Variants in GALNTL6 observed in about 807,000 individuals in gnomAD.
GALNTL6 encodes polypeptide N-acetylgalactosaminyltransferase like 6.
In GALNTL6, 46 loss-of-function variants were observed where a neutral mutation model predicts 73.7. That is an observed-to-expected ratio of 0.62 (90% CI 0.49 to 0.80). The LOEUF (loss-of-function observed/expected upper bound fraction) is 0.80. Ranked by LOEUF, GALNTL6 falls within the 30% of genes least tolerant of loss-of-function variation. The pLI is 0.00. For synonymous variants in GALNTL6, 259 were observed against 263.7 expected, an observed-to-expected ratio of 0.98 and a Z score of 0.17; for missense variants, 604 against 755.0, an observed-to-expected ratio of 0.80 and a Z score of 2.34.
intron 3 of GALNTL6, among the ~76,000 whole-genome samples, chr4:172,279,993 A>G (rs1738984627): frequency 6.6e-6 from 1 of 152,192 alleles, no homozygotes; most frequent in South Asian, 2.1e-4. Context: ...CAAATAACGT[A>G]TGAACCTGCT....
chr4:172,675,817 T>C (rs1408403189), intron 5 of GALNTL6, among the ~76,000 whole-genome samples: 1 of 152,218 alleles, frequency 6.6e-6, no homozygotes, highest in East Asian at 1.9e-4. Flanking sequence ...CACTATGCCC[T>C]AAAGAAAGCT....
intron 3 of GALNTL6, among the ~76,000 whole-genome samples, chr4:172,269,426 A>G (rs957080894): frequency 6.6e-6 from 1 of 152,156 alleles, no homozygotes; most frequent in African/African-American, 2.4e-5. Flanking sequence ...AATAGATGGC[A>G]AGTTATTCCA....
At chr4:172,971,628 A>G (rs976372768) in intron 10 of GALNTL6, among the ~76,000 whole-genome samples, 1 of 152,250 alleles carries the variant, frequency 6.6e-6, no homozygotes, top group Non-Finnish European at 1.5e-5. Flanking sequence ...AGGATGGAAG[A>G]AAAGCAGTAA....
At chr4:172,033,729 A>G (rs1385020020) in intron 2 of GALNTL6, among the ~76,000 whole-genome samples, 2 of 152,176 alleles carry the variant, frequency 1.3e-5, no homozygotes, top group African/African-American at 4.8e-5. Context: ...AATCACTGGC[A>G]TGTTTACTAT....
At chr4:171,954,613 A>G (rs962573370) in intron 2 of GALNTL6, among the ~76,000 whole-genome samples, 5 of 152,230 alleles carry the variant, frequency 3.3e-5, no homozygotes, top group Non-Finnish European at 5.9e-5. Context: ...CTAAATATTC[A>G]TTAAAATAAT....
intron 5 of GALNTL6, among the ~76,000 whole-genome samples, chr4:172,525,724 G>A (rs1734928800): frequency 6.6e-6 from 1 of 152,060 alleles, no homozygotes; most frequent in Admixed American, 6.6e-5. Flanking sequence ...TAGGCCGGGT[G>A]TGCTGGCACG....
intron 5 of GALNTL6, among the ~76,000 whole-genome samples, chr4:172,659,172 C>A (rs948204777): frequency 6.6e-6 from 1 of 152,098 alleles, no homozygotes; most frequent in Non-Finnish European, 1.5e-5. Flanking sequence ...AAGGGTCAAG[C>A]TTTTGGGGCA....
intron 3 of GALNTL6, among the ~76,000 whole-genome samples, chr4:172,297,324 T>C (rs1739717847): frequency 6.6e-6 from 1 of 152,062 alleles, no homozygotes; most frequent in Admixed American, 6.6e-5. Flanking sequence ...ACTCTGATGG[T>C]AGATTCTTTT....
At chr4:173,004,534 G>A (rs1561080997) in intron 10 of GALNTL6, among the ~76,000 whole-genome samples, 1 of 152,156 alleles carries the variant, frequency 6.6e-6, no homozygotes, top group Non-Finnish European at 1.5e-5. Context: ...GCTGAGGCAG[G>A]AAGATTGCTT....
chr4:172,769,751 C>T (rs998421587), intron 5 of GALNTL6, among the ~76,000 whole-genome samples: 1 of 152,206 alleles, frequency 6.6e-6, no homozygotes, highest in African/African-American at 2.4e-5. Flanking sequence ...GTTTACACCA[C>T]AATCTGTGTT....
intron 2 of GALNTL6, among the ~76,000 whole-genome samples, chr4:172,221,521 A>G (rs1579271216): frequency 6.6e-6 from 1 of 151,562 alleles, no homozygotes; most frequent in Non-Finnish European, 1.5e-5. Context: ...ATGTTTCTAC[A>G]GAAATGCTAT....
chr4:172,458,432 G>A (rs1732485078), intron 5 of GALNTL6, among the ~76,000 whole-genome samples: 1 of 151,902 alleles, frequency 6.6e-6, no homozygotes, highest in African/African-American at 2.4e-5. Context: ...GAATTCAGGA[G>A]CTGGTTTTTT....
At chr4:172,535,396 C>A (rs1442560676) in intron 5 of GALNTL6, among the ~76,000 whole-genome samples, 1 of 152,196 alleles carries the variant, frequency 6.6e-6, no homozygotes, top group Non-Finnish European at 1.5e-5. Flanking sequence ...TAAATGAACT[C>A]ATTGCTTCAG....
Position 171,988,131 on chromosome 4 carries a change from G to T in GALNTL6, c.138+173413G>T, listed in dbSNP as rs540232595. 6.7e-3 allele frequency among the ~76,000 whole-genome samples: 1,025 copies of T among 152,262 alleles called. 9 individuals are homozygous for T. Among genetic ancestry groups the T allele is most frequent in the Middle Eastern group, 0.017 (5 of 294 alleles). On this transcript the variant is annotated intron_variant, in intron 2 of 12. Transcript: ENST00000506823. Reference sequence around the variant, plus strand: ...CAGCAGCCACTGCACGCAGACATGAGGGCTAGGCTAAAACAGTAGGTCAAG... The same window carrying T: ...CAGCAGCCACTGCACGCAGACATGATGGCTAGGCTAAAACAGTAGGTCAAG...
chr4:172,148,097 T>A (rs1733976523), intron 2 of GALNTL6, among the ~76,000 whole-genome samples: 1 of 152,270 alleles, frequency 6.6e-6, no homozygotes, highest in Non-Finnish European at 1.5e-5. Context: ...TCACAAAAAA[T>A]TTTGAAAACA....
intron 3 of GALNTL6, among the ~76,000 whole-genome samples, chr4:172,279,101 A>C (rs903545267): frequency 1.2e-4 from 19 of 152,190 alleles, no homozygotes; most frequent in African/African-American, 4.3e-4. Flanking sequence ...TAAGACCTAA[A>C]GCTATAAAAC....
At chr4:171,943,351 A>G (rs149824332) in intron 2 of GALNTL6, among the ~76,000 whole-genome samples, 51 of 152,334 alleles carry the variant, frequency 3.3e-4, no homozygotes, top group African/African-American at 1.2e-3. Flanking sequence ...TACCAGAAAT[A>G]GAAGTCAAAT....
intron 11 of GALNTL6, among the ~76,000 whole-genome samples, chr4:173,012,397 G>A (rs1047394940): frequency 3.3e-5 from 5 of 152,184 alleles, no homozygotes; most frequent in African/African-American, 1.2e-4. Context: ...CATGATGCGA[G>A]GAAAACAGCC....
At chr4:172,269,350 A>AC (rs537693080) in intron 3 of GALNTL6, among the ~76,000 whole-genome samples, 188 of 152,196 alleles carry the variant, frequency 1.2e-3, no homozygotes, top group Non-Finnish European at 2.0e-3. Context: ...GAGTGAGGGG[A>AC]CCCACAGCAC....
Sources: allele counts gnomAD v4.1 joint callset (sites outside exome capture counted in the v4.1 genomes callset), GRCh38; gene constraint gnomAD v4.1.1; transcripts MANE v1.5; gene names NCBI Gene and HGNC (gene_info 2026-07-23, HGNC 2026-07-21).